Variants in CNTNAP5 observed in about 807,000 individuals in gnomAD.
CNTNAP5 encodes contactin-associated protein-like 5.
A neutral mutation model predicts 150.2 loss-of-function variants in CNTNAP5; 72 were observed. That is an observed-to-expected ratio of 0.48 (90% confidence interval 0.40 to 0.58). CNTNAP5 has a LOEUF of 0.58. CNTNAP5 is among the 20% of genes least tolerant of loss of function. CNTNAP5 has a pLI of 0.00. For missense variants in CNTNAP5, 1,636 were observed against 1,626.2 expected, an observed-to-expected ratio of 1.01 and a Z score of -0.10; for synonymous variants, 672 against 619.8, an observed-to-expected ratio of 1.08 and a Z score of -1.25.
At position 124,119,793 on chromosome 2, in the gene CNTNAP5, T is replaced by G. The variant is rs117881811; in HGVS notation, c.82+94061T>G. The stretch of plus-strand genomic sequence containing the variant: ...TGATATAACATTTTATTTAATAAAG[T>G]CTAAACCTCAAAGTGATAGTCAAAA... On this transcript the variant is annotated intron_variant, in intron 1 of 23. Transcript: ENST00000682447. Among the ~76,000 whole-genome samples the G allele has an allele frequency of 1.2e-3, 184 of 152,208 alleles. 4 individuals carry two copies. The East Asian group carries it at 0.03, about 25-fold the overall frequency.
chr2:124,568,161 T>C (rs1272067223), intron 11 of CNTNAP5, among the ~76,000 whole-genome samples: 1 of 152,180 alleles, frequency 6.6e-6, no homozygotes, highest in East Asian at 1.9e-4. Flanking sequence ...ACCTCTTTTA[T>C]ATTGCTTAAG....
intron 1 of CNTNAP5, among the ~76,000 whole-genome samples, chr2:124,064,768 A>C (rs1216395462): frequency 2.6e-5 from 4 of 152,076 alleles, no homozygotes; most frequent in Admixed American, 6.6e-5. Context: ...ATCTCCTTCA[A>C]ATCTTGCTAA....
chr2:124,360,231 C>A (rs1289274192), intron 3 of CNTNAP5, among the ~76,000 whole-genome samples: 1 of 151,642 alleles, frequency 6.6e-6, no homozygotes, highest in African/African-American at 2.4e-5. Flanking sequence ...CTGAATACAG[C>A]ACACTGAATA....
chr2:124,504,737 T>C (rs1246023479), intron 8 of CNTNAP5, among the ~76,000 whole-genome samples, 181 bp downstream of exon 8: 1 of 132,048 alleles, frequency 7.6e-6, no homozygotes, highest in Non-Finnish European at 1.6e-5. Context: ...GAAGATGGAG[T>C]CTTGCTGTCC....
chr2:124,587,825 C>G lies in CNTNAP5; in HGVS notation c.1757-21976C>G, dbSNP rs543548854. On this transcript the variant is annotated intron_variant, in intron 11 of 23. Coordinates refer to ENST00000682447, the MANE Select transcript of CNTNAP5 (RefSeq NM_001367498.1). ...TTGAATAAGTGAGTTGGGAAACATTCTTAACTTACATAGTTACATGATGAC... is the reference window on the plus strand; with the variant it reads ...TTGAATAAGTGAGTTGGGAAACATTGTTAACTTACATAGTTACATGATGAC... Among the ~76,000 whole-genome samples, 12 of 152,128 alleles carry G rather than the reference C, an allele frequency of 7.9e-5. No homozygotes were observed. The South Asian group carries it at 2.5e-3, about 32-fold the overall frequency.
chr2:124,309,093 T>A (rs1001777334), intron 3 of CNTNAP5, among the ~76,000 whole-genome samples: 2 of 152,180 alleles, frequency 1.3e-5, no homozygotes, highest in African/African-American at 4.8e-5. Context: ...AACTTCTAAA[T>A]TAAGCACATC....
intron 16 of CNTNAP5, 31 bp from the exon 17 acceptor site, chr2:124,772,768 C>T: frequency 3.2e-6 from 5 of 1,575,730 alleles, no homozygotes; most frequent in Non-Finnish European, 4.4e-6. Flanking sequence ...ACAACTCCCT[C>T]TATCCTTCCT....
At chr2:124,560,881 T>C (rs1027064551) in intron 10 of CNTNAP5, among the ~76,000 whole-genome samples, 4 of 152,118 alleles carry the variant, frequency 2.6e-5, no homozygotes, top group Non-Finnish European at 4.4e-5. Flanking sequence ...GTCTCAAAAC[T>C]TGACCACTGA....
rs539097588 is a variant in CNTNAP5, at chr2:124,343,709, C to T, written c.382-73734C>T. Reference sequence around the variant, plus strand: ...ACATGACAGTATAAGATACAAAGAACGTGTTTCTCTCTCTCCTCTCTCTTT... The same window carrying T: ...ACATGACAGTATAAGATACAAAGAATGTGTTTCTCTCTCTCCTCTCTCTTT... On this transcript the variant is annotated intron_variant, in intron 3 of 23. Coordinates refer to ENST00000682447, the MANE Select transcript of CNTNAP5 (RefSeq NM_001367498.1). Among the ~76,000 whole-genome samples the T allele has an allele frequency of 9.2e-5, 14 of 152,206 alleles. No individual in the cohort carries two copies. The South Asian group carries it at 2.3e-3, about 25-fold the overall frequency.
intron 7 of CNTNAP5, among the ~76,000 whole-genome samples, chr2:124,484,039 A>G (rs1271606264): frequency 6.6e-6 from 1 of 151,830 alleles, no homozygotes; most frequent in Non-Finnish European, 1.5e-5. Context: ...CCTTTCTTTC[A>G]CCACAACTCC....
chr2:124,895,478 T>C (rs1311396087), intron 21 of CNTNAP5, among the ~76,000 whole-genome samples: 2 of 151,432 alleles, frequency 1.3e-5, no homozygotes, highest in East Asian at 3.9e-4. Flanking sequence ...TTTTAAAAAG[T>C]AACCAGGTGT....
chr2:124,144,711 AC>A (rs1331469892), intron 1 of CNTNAP5, among the ~76,000 whole-genome samples: 1 of 139,156 alleles, frequency 7.2e-6, no homozygotes, highest in African/African-American at 2.7e-5. Context: ...CCTAGGCATT[AC>A]CATTCAGGAC....
intron 17 of CNTNAP5, among the ~76,000 whole-genome samples, chr2:124,774,852 G>A (rs760108595): frequency 2.6e-5 from 4 of 152,192 alleles, no homozygotes; most frequent in Non-Finnish European, 5.9e-5. Flanking sequence ...ATGTGATAAA[G>A]TTTGCGCAAG....
intron 3 of CNTNAP5, among the ~76,000 whole-genome samples, chr2:124,290,874 C>CTTTATTTA (rs59044145): frequency 0.047 from 6,912 of 148,286 alleles, 190 homozygotes; most frequent in Non-Finnish European, 0.064. Context: ...ATCTTCCTTC[C>CTTTATTTA]TTTATTTATT....
At chr2:124,204,269 T>A (rs193135690) in intron 1 of CNTNAP5, among the ~76,000 whole-genome samples, 20 of 152,284 alleles carry the variant, frequency 1.3e-4, no homozygotes, top group African/African-American at 4.8e-4. Context: ...TTTCTCCAGT[T>A]TCCAACAAGT....
chr2:124,653,920 C>CA lies in CNTNAP5; in HGVS notation c.2077+5962_2077+5963insA, dbSNP rs1553427473. On this transcript the variant is annotated intron_variant, in intron 13 of 23. Coordinates refer to ENST00000682447, the MANE Select transcript of CNTNAP5 (RefSeq NM_001367498.1). ...GCCCCCACTGCCCCCAACCCCCCCCCCCCGCCACACACACACAATCAGTGC... is the reference window on the plus strand; with the variant it reads ...GCCCCCACTGCCCCCAACCCCCCCCCACCCGCCACACACACACAATCAGTGC... Among the ~76,000 whole-genome samples the CA allele has an allele frequency of 2.9e-5, 4 of 138,966 alleles. No homozygotes were observed. In the East Asian group the frequency reaches 8.6e-4, roughly 30 times the overall value. The allele number at this position is 138,966 out of a possible 152,430, so 91.2% of individuals were successfully genotyped here.
intron 7 of CNTNAP5, among the ~76,000 whole-genome samples, chr2:124,489,077 G>T (rs761522295): frequency 6.6e-6 from 1 of 152,208 alleles, no homozygotes; most frequent in Non-Finnish European, 1.5e-5. Flanking sequence ...CAATGAACTC[G>T]TTCTTTCTGG....
intron 13 of CNTNAP5, among the ~76,000 whole-genome samples, chr2:124,697,205 C>T (rs1679423077): frequency 6.6e-6 from 1 of 152,134 alleles, no homozygotes; most frequent in African/African-American, 2.4e-5. Flanking sequence ...TCACATTGTA[C>T]ATTTGTGTGG....
intron 3 of CNTNAP5, among the ~76,000 whole-genome samples, chr2:124,316,804 C>CAAAAAAAAAAAAAAAAA (rs56812690): frequency 7.3e-5 from 4 of 54,780 alleles, no homozygotes; most frequent in African/African-American, 6.8e-5. Context: ...GACTCCATCT[C>CAAAAAAAAAAAAAAAAA]AAAAAAAAAA....
Sources: allele counts gnomAD v4.1 joint callset (sites outside exome capture counted in the v4.1 genomes callset), GRCh38; gene constraint gnomAD v4.1.1; transcripts MANE v1.5; gene names NCBI Gene and HGNC (gene_info 2026-07-23, HGNC 2026-07-21).